The following TRIP4 variants were observed in gnomAD, a reference collection of about 807,000 sequenced individuals.
TRIP4 encodes the protein thyroid hormone receptor interactor 4, also known as activating signal cointegrator 1.
Under a neutral mutation model 81.8 loss-of-function variants are expected in TRIP4, and 54 were observed. The observed-to-expected ratio is 0.66, with a 90% CI of 0.53 to 0.83. TRIP4 has a LOEUF of 0.83. Ranked by LOEUF, TRIP4 falls within the 40% of genes least tolerant of loss-of-function variation. The pLI, the probability that TRIP4 is intolerant of heterozygous loss-of-function variation, is 0.00. For synonymous variants in TRIP4, 270 were observed against 242.8 expected (o/e 1.11, Z -1.04); for missense variants, 662 against 683.6 (o/e 0.97, Z 0.35).
chr15:64,452,472 G>A (rs2140318856), intron 12 of TRIP4, among the ~76,000 whole-genome samples: 1 of 152,270 alleles, frequency 6.6e-6, no homozygotes, highest in Middle Eastern at 3.4e-3. Context: ...CTGGTCCCAA[G>A]CATTTTAGAT....
intron 11 of TRIP4, among the ~76,000 whole-genome samples, chr15:64,426,999 C>CA (rs1178534705): frequency 6.7e-6 from 1 of 148,466 alleles, no homozygotes; most frequent in Non-Finnish European, 1.5e-5. Context: ...GGCTCTGTCT[C>CA]AAAAAAAAGA....
intron 12 of TRIP4, among the ~76,000 whole-genome samples, chr15:64,451,959 A>C (rs1191834778): frequency 6.7e-6 from 1 of 149,586 alleles, no homozygotes; most frequent in Non-Finnish European, 1.5e-5. Context: ...GGCCCAAAAA[A>C]AAAAAAAAAT....
At chr15:64,442,586 G>A (rs1467701971) in intron 11 of TRIP4, among the ~76,000 whole-genome samples, 1 of 147,886 alleles carries the variant, frequency 6.8e-6, no homozygotes, top group East Asian at 2.0e-4. Context: ...CACCTAGCCA[G>A]AGAAAAGAAT....
intron 3 of TRIP4, 53 bp from the exon 4 acceptor site, chr15:64,397,552 CT>C: frequency 6.4e-7 from 1 of 1,573,148 alleles, no homozygotes; most frequent in African/African-American, 1.3e-5. Flanking sequence ...TCTCCCTTGA[CT>C]TTTTACATTG....
intron 2 of TRIP4, among the ~76,000 whole-genome samples, chr15:64,394,402 G>C (rs553147422): frequency 1.3e-5 from 2 of 152,040 alleles, no homozygotes; most frequent in Non-Finnish European, 2.9e-5. Context: ...TCAGGAGATC[G>C]AGACCATCGT....
At chr15:64,437,515 C>G (rs1029061122) in intron 11 of TRIP4, among the ~76,000 whole-genome samples, 1 of 149,084 alleles carries the variant, frequency 6.7e-6, no homozygotes, top group Non-Finnish European at 1.5e-5. Flanking sequence ...TTTTTTGAGA[C>G]AGAGTCTCAC....
At chr15:64,394,738 G>C (rs1225346003) in intron 2 of TRIP4, among the ~76,000 whole-genome samples, 1 of 152,098 alleles carries the variant, frequency 6.6e-6, no homozygotes, top group African/African-American at 2.4e-5. Flanking sequence ...TGTAAGTAAA[G>C]TGTTGATTGA....
At chr15:64,445,451 C>A (rs1256464371) in intron 12 of TRIP4, among the ~76,000 whole-genome samples, 1 of 146,516 alleles carries the variant, frequency 6.8e-6, no homozygotes, top group Non-Finnish European at 1.5e-5. Flanking sequence ...ATGGTGAAAC[C>A]CCCCCGTCTC....
intron 12 of TRIP4, among the ~76,000 whole-genome samples, chr15:64,448,698 C>T (rs895042563): frequency 1.3e-5 from 2 of 152,102 alleles, no homozygotes; most frequent in Non-Finnish European, 2.9e-5. Context: ...CTCCTGAGCT[C>T]AGGTGATCCA....
At chr15:64,403,885 G>C (rs1436192498) in intron 5 of TRIP4, among the ~76,000 whole-genome samples, 6 of 152,098 alleles carry the variant, frequency 3.9e-5, no homozygotes, top group Non-Finnish European at 7.4e-5. Flanking sequence ...GTATTTGCCA[G>C]ATTATTTTGT....
At chr15:64,434,825 A>G (rs1411117659) in intron 11 of TRIP4, among the ~76,000 whole-genome samples, 1 of 152,216 alleles carries the variant, frequency 6.6e-6, no homozygotes, top group Admixed American at 6.5e-5. Context: ...TAGAAAGAAT[A>G]TGCTGTAGTG....
rs979177538 is a variant in TRIP4, at chr15:64,455,246, G to A, written c.*182G>A. The A allele has an allele frequency of 2.1e-6, 1 of 469,840 alleles. No homozygotes were observed. Among genetic ancestry groups the A allele is most frequent in the Non-Finnish European group, 3.8e-6 (1 of 261,974 alleles). 29.1% of individuals were successfully genotyped at this position (469,840 alleles called of 1,614,324 possible). On this transcript the variant is annotated 3_prime_UTR_variant, in exon 13 of 13. Transcript: ENST00000261884. ...TTAAGGAGTGGGATTCCTACTTTAT[G>A]TAATGGGGTCGAAATCTTTGAACAC... is the stretch of plus-strand genomic sequence containing the variant.
chr15:64,434,112 A>T (rs1283332646), intron 11 of TRIP4, among the ~76,000 whole-genome samples: 1 of 152,130 alleles, frequency 6.6e-6, no homozygotes, highest in Non-Finnish European at 1.5e-5. Context: ...AAAAAAAATT[A>T]AAAAGGGCTG....
intron 11 of TRIP4, among the ~76,000 whole-genome samples, chr15:64,437,928 CAGTT>C (rs1355330731): frequency 1.3e-5 from 2 of 152,090 alleles, no homozygotes; most frequent in Non-Finnish European, 1.5e-5. Context: ...AATGCTGTGT[CAGTT>C]GAGTTGAAGA....
chr15:64,394,119 A>AAT lies in TRIP4; in HGVS notation c.271+4_271+5insAT. On this transcript the variant is annotated splice_donor_region_variant and intron_variant, in intron 2 of 12. Transcript: ENST00000261884. ...CAGCAGTGCTTCAAAAAAGATGGTA[A>AAT]GTTAATGTAATTATGCAAATGTTGA... 6.3e-7 allele frequency: 1 copy of AAT among 1,579,182 alleles called. No individual in the cohort carries two copies. The highest frequency in any genetic ancestry group is 8.6e-7 in the Non-Finnish European group (1 of 1,162,496).
At chr15:64,438,643 CTATTA>C (rs1159376716) in intron 11 of TRIP4, among the ~76,000 whole-genome samples, 16 of 152,144 alleles carry the variant, frequency 1.1e-4, no homozygotes, top group Non-Finnish European at 1.6e-4. Context: ...GAGTGGAAGC[CTATTA>C]TATTAAAATG....
At chr15:64,394,451 A>G (rs1004914691) in intron 2 of TRIP4, among the ~76,000 whole-genome samples, 2 of 152,094 alleles carry the variant, frequency 1.3e-5, no homozygotes, top group Admixed American at 6.6e-5. Flanking sequence ...TAAAAATACA[A>G]AAAGTTAGCC....
chr15:64,387,967 G>T lies in TRIP4; in HGVS notation c.101+3G>T. 1 of 1,549,610 alleles carries T rather than the reference G, an allele frequency of 6.5e-7. No homozygotes were observed. ...GATGTCAGCGAGGAGATCATTCAGT[G>T]AGAACAGTTCGGGTCCAAGCGGGGA... On this transcript the variant is annotated splice_donor_region_variant and intron_variant, in intron 1 of 12. Transcript: ENST00000261884.
chr15:64,422,065 C>T (rs1303056565), intron 9 of TRIP4, among the ~76,000 whole-genome samples: 1 of 151,894 alleles, frequency 6.6e-6, no homozygotes, highest in Non-Finnish European at 1.5e-5. Flanking sequence ...ATACCATAGC[C>T]TAGGTGTGTA....
Sources: gnomAD v4.1 joint callset for allele counts (sites outside exome capture counted in the v4.1 genomes callset) on GRCh38, gnomAD v4.1.1 for gene constraint, MANE v1.5 for transcripts, NCBI Gene and HGNC (gene_info 2026-07-23, HGNC 2026-07-21) for gene names.